CDCA7L: variants seen among roughly 807,000 people sequenced by gnomAD.
The protein encoded by CDCA7L is cell division cycle-associated 7-like protein.
CDCA7L carries 44 observed loss-of-function variants against 57.4 expected under a neutral mutation model. That is an observed-to-expected ratio of 0.77 (90% CI 0.60 to 0.98). The LOEUF is 0.98. CDCA7L is among the 50% of genes least tolerant of loss of function. CDCA7L has a pLI of 0.00. For synonymous variants in CDCA7L, 236 were observed against 202.8 expected (o/e 1.16, Z -1.39); for missense variants, 644 against 580.6 (o/e 1.11, Z -1.12).
In CDCA7L at chr7:21,901,348, TTAGTAACTCACAC is replaced by T. The variant is rs1784831890; in HGVS notation, c.*961_*973del. The T allele has an allele frequency of 2.1e-6, 3 of 1,421,022 alleles. No homozygotes were observed. Among genetic ancestry groups the T allele is most frequent in the Non-Finnish European group, 2.8e-6 (3 of 1,081,620 alleles). The allele number at this position is 1,421,022 out of a possible 1,614,324, so 88.0% of individuals were successfully genotyped here. A position where few individuals can be genotyped will look rare whatever the true frequency, so the allele number is the denominator to read the frequency against. On this transcript the variant is annotated 3_prime_UTR_variant, in exon 10 of 10. Coordinates refer to ENST00000406877, the MANE Select transcript of CDCA7L (RefSeq NM_018719.5). ...TTCCCATGCACATTATTCTAACTTT[TTAGTAACTCACAC>T]GTGCATTCTTTTTTCAACGCTATCC...
intron 1 of CDCA7L, among the ~76,000 whole-genome samples, chr7:21,922,146 G>T (rs1052005851): frequency 2.0e-5 from 3 of 152,178 alleles, no homozygotes; most frequent in Non-Finnish European, 4.4e-5. Context: ...ATTCCTACAT[G>T]AGGGGAATTA....
In CDCA7L at chr7:21,905,456, T is replaced by A. The variant is rs781174192; in HGVS notation, c.1047+50A>T. The A allele has an allele frequency of 3.1e-6, 5 of 1,589,930 alleles. No homozygotes were observed. In the Admixed American group the frequency reaches 6.7e-5, roughly 21 times the overall value. On this transcript the variant is annotated intron_variant, in intron 7 of 9. Coordinates refer to ENST00000406877, the MANE Select transcript of CDCA7L (RefSeq NM_018719.5). Reference sequence around the variant, plus strand: ...AGTTTAAAAACAAGTGAGATTTCAATACCAATGCCTTCGACTCCCAATAAG... The same window carrying A: ...AGTTTAAAAACAAGTGAGATTTCAAAACCAATGCCTTCGACTCCCAATAAG...
rs757531242 is a variant in CDCA7L at position 21,901,246 on chromosome 7, GAAGCGTAAGGT to G, written c.*1065_*1075del. On this transcript the variant is annotated 3_prime_UTR_variant, in exon 10 of 10. Coordinates refer to ENST00000406877, the MANE Select transcript of CDCA7L (RefSeq NM_018719.5). Reference sequence around the variant, plus strand: ...TCTGGCTGGAGTGGCTCTGCTTCTAGAAGCGTAAGGTAACACTGGCATTCCTCTAGCCTCTG... The same window carrying G: ...TCTGGCTGGAGTGGCTCTGCTTCTAGAACACTGGCATTCCTCTAGCCTCTG... 1.9e-6 allele frequency: 3 copies of G among 1,604,426 alleles called. No individual in the cohort carries two copies. Among genetic ancestry groups the G allele is most frequent in the Non-Finnish European group, 2.6e-6 (3 of 1,175,362 alleles).
chr7:21,906,088 C>A (rs1016774217), intron 6 of CDCA7L, among the ~76,000 whole-genome samples: 2 of 151,498 alleles, frequency 1.3e-5, no homozygotes, highest in East Asian at 4.1e-4. Flanking sequence ...TCTCTGTGAC[C>A]TCCAGCTTAG....
chr7:21,917,538 T>C (rs76531950), intron 1 of CDCA7L, among the ~76,000 whole-genome samples: 4,325 of 152,288 alleles, frequency 0.028, 201 homozygotes, highest in African/African-American at 0.098. Context: ...AGTTGACTAT[T>C]TTCTCCCAAT....
chr7:21,905,544 C>T lies in CDCA7L; in HGVS notation c.1009G>A (p.Ala337Thr). Residue 337 changes from alanine to threonine, a missense_variant, in exon 7 of 10, where the codon GCC (alanine) becomes ACC (threonine). By Grantham distance (58) the Ala-to-Thr change is moderately conservative. Coordinates refer to ENST00000406877, the MANE Select transcript of CDCA7L (RefSeq NM_018719.5). The part of the protein sequence containing the change: ...DITEEDLENV[A>T]ITVRDKIYDK... ...TAGATTTTATCTCGAACAGTTATGG[C>T]AACATTTTCTAAGTCCTCTTCGGTG... 6.2e-7 allele frequency: 1 copy of T among 1,613,936 alleles called. No homozygotes were observed. The highest frequency in any genetic ancestry group is 8.5e-7 in the Non-Finnish European group (1 of 1,179,968).
chr7:21,938,454 T>C (rs1786241210), intron 1 of CDCA7L, among the ~76,000 whole-genome samples: 1 of 152,108 alleles, frequency 6.6e-6, no homozygotes, highest in Non-Finnish European at 1.5e-5. Context: ...CTTATGATGA[T>C]ATAAAATGAC....
At chr7:21,920,835 T>G (rs772674677) in intron 1 of CDCA7L, among the ~76,000 whole-genome samples, 2 of 152,220 alleles carry the variant, frequency 1.3e-5, no homozygotes, top group Non-Finnish European at 1.5e-5. Context: ...AGTGTGCCTA[T>G]GTTGTAGCTA....
intron 2 of CDCA7L, among the ~76,000 whole-genome samples, chr7:21,914,752 C>T (rs952002862): frequency 2.0e-5 from 3 of 152,296 alleles, no homozygotes; most frequent in East Asian, 1.9e-4. Flanking sequence ...CCTTCCTGAA[C>T]GTCAGTTTCA....
chr7:21,913,033 C>T (rs1237051927), intron 2 of CDCA7L, among the ~76,000 whole-genome samples: 3 of 152,050 alleles, frequency 2.0e-5, no homozygotes, highest in Non-Finnish European at 2.9e-5. Flanking sequence ...GACGTCTCTT[C>T]CCCCCATCTC....
At chr7:21,902,940 T>A in intron 9 of CDCA7L, 38 bp downstream of exon 9, 1 of 1,599,838 alleles carries the variant, frequency 6.3e-7, no homozygotes. Flanking sequence ...AGCCTCAAGA[T>A]TTCAAGCTGT....
At chr7:21,918,894 G>A (rs1785572149) in intron 1 of CDCA7L, among the ~76,000 whole-genome samples, 1 of 152,162 alleles carries the variant, frequency 6.6e-6, no homozygotes, top group Non-Finnish European at 1.5e-5. Flanking sequence ...CACTAATAAG[G>A]AATATGCAGA....
chr7:21,922,148 G>A (rs1232989806), intron 1 of CDCA7L, among the ~76,000 whole-genome samples: 4 of 152,156 alleles, frequency 2.6e-5, no homozygotes, highest in African/African-American at 9.7e-5. Context: ...TCCTACATGA[G>A]GGGAATTAAA....
rs558979278 is a variant in CDCA7L at position 21,909,910 on chromosome 7, A to C, written c.304-1403T>G. Among the ~76,000 whole-genome samples, 5 of 152,290 alleles carry C rather than the reference A, an allele frequency of 3.3e-5. No individual in the cohort carries two copies. In the East Asian group the frequency reaches 7.7e-4, roughly 24 times the overall value. The stretch of plus-strand genomic sequence containing the variant: ...CCGGCCAGCAGACCCCTGGAAACCA[A>C]GTTACAGCAATGTCCCATTATCAAG... On this transcript the variant is annotated intron_variant, in intron 3 of 9. Transcript: ENST00000406877.
rs552487543 is a variant in CDCA7L at position 21,901,053 on chromosome 7, CAAG to C, written c.*1266_*1268del. The stretch of plus-strand genomic sequence containing the variant: ...CAGGAACCATTGTTGAAGCCCGTCT[CAAG>C]GAGCTGGCATGCCCTATGCCGGTCA... On this transcript the variant is annotated 3_prime_UTR_variant, in exon 10 of 10. Transcript: ENST00000406877. 31 of 1,613,276 alleles carry C rather than the reference CAAG, an allele frequency of 1.9e-5. No homozygotes were observed. Among genetic ancestry groups the C allele is most frequent in the Admixed American group, 5.0e-5 (3 of 59,908 alleles).
At chr7:21,923,965 T>C (rs1785749069) in intron 1 of CDCA7L, among the ~76,000 whole-genome samples, 1 of 152,254 alleles carries the variant, frequency 6.6e-6, no homozygotes, top group South Asian at 2.1e-4. Flanking sequence ...TAAAATTCAA[T>C]TTAAAAAACT....
chr7:21,930,697 CAAAAAAAAAAAA>C lies in CDCA7L; in HGVS notation c.25-13815_25-13804del, dbSNP rs56701381. 3.8e-3 allele frequency among the ~76,000 whole-genome samples: 196 copies of C among 51,814 alleles called. 3 individuals carry two copies. Among genetic ancestry groups the C allele is most frequent in the South Asian group, 0.026 (30 of 1,166 alleles). 34.0% of individuals were successfully genotyped at this position (51,814 alleles called of 152,430 possible). A position where few individuals can be genotyped will look rare whatever the true frequency, so the allele number is the denominator to read the frequency against. Reference sequence around the variant, plus strand: ...CCGGCAACAGTGCAAGACTCCGTCTCAAAAAAAAAAAAAAAAAAAAAAAAAAGAACTAGAGAC... The same window carrying C: ...CCGGCAACAGTGCAAGACTCCGTCTCAAAAAAAAAAAAAAGAACTAGAGAC... On this transcript the variant is annotated intron_variant, in intron 1 of 9. Transcript: ENST00000406877.
chr7:21,901,419 C>G lies in CDCA7L; in HGVS notation c.*903G>C. On this transcript the variant is annotated 3_prime_UTR_variant, in exon 10 of 10. Coordinates refer to ENST00000406877, the MANE Select transcript of CDCA7L (RefSeq NM_018719.5). ...GAAAGTCAGAAAAAAATACTAGAAA[C>G]TAACTCAGGGCTGAGCGTGGTGGCA... 9.8e-7 allele frequency: 1 copy of G among 1,021,248 alleles called. No individual in the cohort carries two copies. Among genetic ancestry groups the G allele is most frequent in the Non-Finnish European group, 1.3e-6 (1 of 762,654 alleles). The allele number at this position is 1,021,248 out of a possible 1,614,324, so 63.3% of individuals were successfully genotyped here. A position where few individuals can be genotyped will look rare whatever the true frequency, so the allele number is the denominator to read the frequency against.
At chr7:21,920,356 T>C (rs1194071789) in intron 1 of CDCA7L, among the ~76,000 whole-genome samples, 1 of 152,250 alleles carries the variant, frequency 6.6e-6, no homozygotes, top group Admixed American at 6.5e-5. Flanking sequence ...GTTGACTTAA[T>C]TTTACATTTA....
Sources: gnomAD v4.1 joint callset for allele counts (sites outside exome capture counted in the v4.1 genomes callset) on GRCh38, gnomAD v4.1.1 for gene constraint, MANE v1.5 for transcripts, NCBI Gene and HGNC (gene_info 2026-07-23, HGNC 2026-07-21) for gene names.